The following APC variants were observed in gnomAD, a reference collection of about 807,000 sequenced individuals.
APC encodes adenomatous polyposis coli protein.
APC carries 72 observed loss-of-function variants against 247.0 expected under a neutral mutation model. The ratio of observed to expected loss-of-function variants is 0.29; its 90% CI spans 0.24 to 0.35. The LOEUF is 0.35. Among genes scored for constraint, APC ranks in the 10% least tolerant of loss-of-function variants. APC has a pLI of 1.00. For synonymous variants in APC, 1,254 were observed against 1,162.5 expected, an observed-to-expected ratio of 1.08 and a Z score of -1.60; for missense variants, 3,400 against 3,360.7, an observed-to-expected ratio of 1.01 and a Z score of -0.29.
chr5:112,759,332 A>AT (rs1334642573), intron 2 of APC, among the ~76,000 whole-genome samples: 3 of 151,090 alleles, frequency 2.0e-5, no homozygotes, highest in Non-Finnish European at 3.0e-5. Context: ...TTTCTAATGA[A>AT]TAATTTTCTT....
At chr5:112,755,168 T>C in intron 2 of APC, 143 bp downstream of exon 2, 1 of 1,199,224 alleles carries the variant, frequency 8.3e-7, no homozygotes, top group Non-Finnish European at 1.1e-6. Context: ...AAAGTTAGCA[T>C]TTATATTTTT....
rs761886683 is a variant in APC, at chr5:112,839,695, G to C, written c.4101G>C (p.Gln1367His). 1.2e-6 allele frequency: 2 copies of C among 1,614,112 alleles called. No homozygotes were observed. Among genetic ancestry groups the C allele is most frequent in the East Asian group, 4.5e-5 (2 of 44,880 alleles). ...GAKSPSKSGA[Q>H]TPKSPPEHYV... is the part of the protein sequence containing the mutation. ...AATCTCCCTCCAAAAGTGGTGCTCA[G>C]ACACCCAAAAGTCCACCTGAACACT... The change falls in exon 16 of 16, where the codon CAG (glutamine) becomes CAC (histidine). Residue 1367 changes from glutamine to histidine, a missense_variant. Coordinates refer to ENST00000257430, the MANE Select transcript of APC (RefSeq NM_000038.6). The surrounding 1 kb of genome is among the most constrained non-coding windows in gnomAD (Gnocchi z 5.0).
chr5:112,823,015 C>A (rs1763296892), intron 11 of APC, among the ~76,000 whole-genome samples: 1 of 152,206 alleles, frequency 6.6e-6, no homozygotes, highest in Admixed American at 6.5e-5. Flanking sequence ...CTACCTGATT[C>A]TCTTTCCTCC....
chr5:112,730,611 T>G (rs930838557), intron 1 of APC, among the ~76,000 whole-genome samples: 7 of 152,186 alleles, frequency 4.6e-5, no homozygotes, highest in African/African-American at 1.7e-4. Context: ...CTGATGAAGT[T>G]TAGTGAACCT....
In APC at chr5:112,732,595, A is replaced by G. The variant is rs796076448; in HGVS notation, c.165+24713A>G. 3.3e-5 allele frequency among the ~76,000 whole-genome samples: 5 copies of G among 152,324 alleles called. No homozygotes were observed. In the South Asian group the frequency reaches 1.0e-3, roughly 32 times the overall value. ...GCCCTTTGCGGGTTAATTTAAAATC[A>G]CTTTTTAAAATAATGTTTAATGAAC... is the stretch of plus-strand genomic sequence containing the variant. On this transcript the variant is annotated intron_variant, in intron 1 of 13. Transcript: ENST00000507379.
At chr5:112,779,129 C>T (rs1758046795) in intron 5 of APC, among the ~76,000 whole-genome samples, 1 of 152,126 alleles carries the variant, frequency 6.6e-6, no homozygotes, top group African/African-American at 2.4e-5. Flanking sequence ...AACATGTTAA[C>T]ACTTAACAGT....
chr5:112,717,277 C>T (rs979688972), intron 1 of APC, among the ~76,000 whole-genome samples: 16 of 152,172 alleles, frequency 1.1e-4, no homozygotes, highest in Non-Finnish European at 2.9e-5. Flanking sequence ...GTATGAGCCA[C>T]CGTGCCCAGC....
In APC at chr5:112,756,801, A is replaced by G. The variant is rs146284427; in HGVS notation, c.135+1776A>G. Among the ~76,000 whole-genome samples the G allele has an allele frequency of 3.3e-5, 5 of 152,348 alleles. No individual in the cohort carries two copies. In the East Asian group the frequency reaches 7.7e-4, roughly 23 times the overall value. ...CAGTGGAATATCTAGTTGATCATTTATATGTGTGGTATAATACAAGTTGAG... is the reference window on the plus strand; with the variant it reads ...CAGTGGAATATCTAGTTGATCATTTGTATGTGTGGTATAATACAAGTTGAG... On this transcript the variant is annotated intron_variant, in intron 2 of 15. Coordinates refer to ENST00000257430, the MANE Select transcript of APC (RefSeq NM_000038.6).
chr5:112,751,470 G>A (rs1230952315), intron 1 of APC, among the ~76,000 whole-genome samples: 1 of 151,974 alleles, frequency 6.6e-6, no homozygotes, highest in African/African-American at 2.4e-5. Context: ...TGGTATACCA[G>A]AATAAGAAAC....
At chr5:112,782,400 GTA>G (rs1446175314) in intron 6 of APC, among the ~76,000 whole-genome samples, 2 of 152,082 alleles carry the variant, frequency 1.3e-5, no homozygotes, top group Admixed American at 6.6e-5. Flanking sequence ...TAAACATAAT[GTA>G]TATTCTATCT....
chr5:112,784,522 G>T (rs1055186746), intron 6 of APC, among the ~76,000 whole-genome samples: 1 of 152,168 alleles, frequency 6.6e-6, no homozygotes, highest in Admixed American at 6.5e-5. Flanking sequence ...TTACTTTAGG[G>T]CAGAATGTAG....
intron 14 of APC, among the ~76,000 whole-genome samples, chr5:112,830,149 A>G (rs1764156616): frequency 6.6e-6 from 1 of 152,146 alleles, no homozygotes; most frequent in Non-Finnish European, 1.5e-5. Context: ...GTTCTTGGAA[A>G]ACCCTTGAAA....
At chr5:112,815,292 A>T (rs1762379269) in intron 8 of APC, among the ~76,000 whole-genome samples, 1 of 151,770 alleles carries the variant, frequency 6.6e-6, no homozygotes, top group Non-Finnish European at 1.5e-5. Context: ...TATGCAAGAA[A>T]CTCTCTTTTC....
At chr5:112,739,723 TC>T (rs1752773962) in intron 1 of APC, among the ~76,000 whole-genome samples, 1 of 152,174 alleles carries the variant, frequency 6.6e-6, no homozygotes, top group Non-Finnish European at 1.5e-5. Flanking sequence ...ACTTAGAGTC[TC>T]TTTTTTAAAA....
chr5:112,792,336 G>C (rs1759713117), intron 6 of APC, 110 bp from the exon 7 acceptor site: 1 of 684,296 alleles, frequency 1.5e-6, no homozygotes, highest in Non-Finnish European at 2.5e-6. Context: ...CTTTTTAAAT[G>C]AGAATGATTT....
intron 12 of APC, among the ~76,000 whole-genome samples, chr5:112,827,699 C>T (rs987890516): frequency 2.6e-5 from 4 of 152,190 alleles, no homozygotes; most frequent in East Asian, 1.9e-4. Flanking sequence ...CATTTCTCAC[C>T]ACTTATTCAC....
chr5:112,749,092 C>T (rs145074072), intron 1 of APC, among the ~76,000 whole-genome samples: 83 of 152,198 alleles, frequency 5.5e-4, no homozygotes, highest in Non-Finnish European at 1.0e-3. Context: ...TTTAATGTAG[C>T]GAGTGACACA....
chr5:112,795,567 C>G (rs1232366119), intron 7 of APC, among the ~76,000 whole-genome samples: 1 of 152,136 alleles, frequency 6.6e-6, no homozygotes, highest in African/African-American at 2.4e-5. Flanking sequence ...CCTGAGTTGC[C>G]TCATTAGCAT....
rs1192003531 is a variant in APC, at chr5:112,767,495, C to T, written c.422+105C>T. ...AATTTATAGTAGGTGATAGCTAACACTTAGAGCATTTTGCATTTTTAAACT... is the reference window on the plus strand; with the variant it reads ...AATTTATAGTAGGTGATAGCTAACATTTAGAGCATTTTGCATTTTTAAACT... On this transcript the variant is annotated intron_variant, in intron 4 of 15. Coordinates refer to ENST00000257430, the MANE Select transcript of APC (RefSeq NM_000038.6). The T allele has an allele frequency of 6.7e-6, 6 of 897,574 alleles. No individual in the cohort carries two copies. The Admixed American group carries it at 7.5e-5, about 11-fold the overall frequency. The allele number at this position is 897,574 out of a possible 1,614,324, so 55.6% of individuals were successfully genotyped here. A position where few individuals can be genotyped will look rare whatever the true frequency, so the allele number is the denominator to read the frequency against.
Sources: allele counts gnomAD v4.1 joint callset (sites outside exome capture counted in the v4.1 genomes callset), GRCh38; gene constraint gnomAD v4.1.1; non-coding constraint Gnocchi (gnomAD v3.1); transcripts MANE v1.5; gene names NCBI Gene and HGNC (gene_info 2026-07-23, HGNC 2026-07-21).